Variants in MTMR7 observed in about 807,000 individuals in gnomAD.
MTMR7 encodes myotubularin related protein 7.
MTMR7 carries 76 observed loss-of-function variants against 81.2 expected under a neutral mutation model. The observed-to-expected ratio is 0.94, with a 90% CI of 0.78 to 1.13. MTMR7 has a LOEUF of 1.13. Among genes scored for constraint, MTMR7 ranks in the 50% most tolerant of loss-of-function variants. The pLI, the probability that MTMR7 is intolerant of heterozygous loss-of-function variation, is 0.00. For missense variants in MTMR7, 1,044 were observed against 820.0 expected, an observed-to-expected ratio of 1.27 and a Z score of -3.34; for synonymous variants, 372 against 289.8, an observed-to-expected ratio of 1.28 and a Z score of -2.88.
intron 1 of MTMR7, among the ~76,000 whole-genome samples, chr8:17,398,647 T>C (rs1283425386): frequency 6.6e-6 from 1 of 152,156 alleles, no homozygotes; most frequent in Non-Finnish European, 1.5e-5. Flanking sequence ...TTCAAAGCGA[T>C]AACCACAAAG....
At chr8:17,330,236 A>G (rs1421055630) in intron 7 of MTMR7, among the ~76,000 whole-genome samples, 3 of 152,222 alleles carry the variant, frequency 2.0e-5, no homozygotes, top group Admixed American at 2.0e-4. Flanking sequence ...TGGAAAAAAT[A>G]ATTCAGCACC....
intron 5 of MTMR7, among the ~76,000 whole-genome samples, chr8:17,348,144 A>T (rs557838150): frequency 5.9e-5 from 9 of 152,292 alleles, no homozygotes; most frequent in African/African-American, 1.9e-4. Context: ...GACAAACCCA[A>T]TTCTGGCTTT....
chr8:17,407,451 A>G (rs1452053400), intron 1 of MTMR7, among the ~76,000 whole-genome samples: 2 of 152,184 alleles, frequency 1.3e-5, no homozygotes, highest in Non-Finnish European at 2.9e-5. Flanking sequence ...CTATAAAACT[A>G]TTCATCTTCT....
At chr8:17,362,650 T>C (rs1346841823) in intron 3 of MTMR7, among the ~76,000 whole-genome samples, 1 of 152,208 alleles carries the variant, frequency 6.6e-6, no homozygotes, top group East Asian at 1.9e-4. Flanking sequence ...TTCTCTCTTC[T>C]TCTTCCTTCC....
At chr8:17,375,457 G>A (rs1820554953) in intron 1 of MTMR7, among the ~76,000 whole-genome samples, 1 of 151,068 alleles carries the variant, frequency 6.6e-6, no homozygotes, top group South Asian at 2.1e-4. Flanking sequence ...TTCGACAACA[G>A]TGCCCTTCAC....
intron 1 of MTMR7, among the ~76,000 whole-genome samples, chr8:17,386,418 C>T (rs373573741): frequency 6.6e-6 from 1 of 152,196 alleles, no homozygotes; most frequent in African/African-American, 2.4e-5. Context: ...ATACTGCCCA[C>T]AGATGATCTG....
chr8:17,317,800 T>C (rs1261290107), intron 7 of MTMR7, among the ~76,000 whole-genome samples: 2 of 152,078 alleles, frequency 1.3e-5, no homozygotes, highest in African/African-American at 4.8e-5. Context: ...AAATTGCAGC[T>C]TTTTTTTCTA....
chr8:17,399,137 A>T (rs1232777707), intron 1 of MTMR7, among the ~76,000 whole-genome samples: 4 of 152,062 alleles, frequency 2.6e-5, no homozygotes, highest in Non-Finnish European at 5.9e-5. Flanking sequence ...TAGATCAATC[A>T]GACAAGAGAA....
chr8:17,394,832 G>C (rs1821203547), intron 1 of MTMR7, among the ~76,000 whole-genome samples: 1 of 148,976 alleles, frequency 6.7e-6, no homozygotes, highest in Non-Finnish European at 1.5e-5. Flanking sequence ...GCCAAATTAA[G>C]TATTAGTTCA....
chr8:17,325,365 T>A (rs1262287876), intron 7 of MTMR7, among the ~76,000 whole-genome samples: 1 of 152,178 alleles, frequency 6.6e-6, no homozygotes, highest in Admixed American at 6.6e-5. Flanking sequence ...CCATCAGGCC[T>A]CAAAACCTTT....
At chr8:17,390,198 C>T (rs1180477252) in intron 1 of MTMR7, among the ~76,000 whole-genome samples, 1 of 151,766 alleles carries the variant, frequency 6.6e-6, no homozygotes, top group Non-Finnish European at 1.5e-5. Context: ...GCAGGCTGTA[C>T]AGGAAGCAGA....
Position 17,331,208 on chromosome 8 carries a change from C to T in MTMR7, c.807G>A (p.Gln269=). The part of the protein sequence containing the change: ...NEDNYSNIKF[Q]FIGIENIHVM... Reference sequence around the variant, plus strand: ...CATGGATGTTCTCTATCCCGATAAACTGAAACTTGATATTGGAATAATTGT... The same window carrying T: ...CATGGATGTTCTCTATCCCGATAAATTGAAACTTGATATTGGAATAATTGT... The change falls in exon 7 of 14, where the codon CAG becomes CAA. Residue 269 remains glutamine, a synonymous_variant. Coordinates refer to ENST00000180173, the MANE Select transcript of MTMR7 (RefSeq NM_004686.5). 1.9e-6 allele frequency: 3 copies of T among 1,612,752 alleles called. No individual in the cohort carries two copies. The highest frequency in any genetic ancestry group is 2.5e-6 in the Non-Finnish European group (3 of 1,179,618).
At chr8:17,308,784 T>C (rs1414858744) in intron 10 of MTMR7, among the ~76,000 whole-genome samples, 1 of 152,104 alleles carries the variant, frequency 6.6e-6, no homozygotes, top group Non-Finnish European at 1.5e-5. Context: ...AGACAGTGAA[T>C]ATCATGGCCT....
rs1016535927 is a variant in MTMR7, at chr8:17,304,485, G to C, written c.1387C>G (p.Leu463Val). The C allele has an allele frequency of 2.5e-6, 4 of 1,613,890 alleles. No homozygotes were observed. The African/African-American group carries it at 5.3e-5, about 22-fold the overall frequency. ...QERTYSLWAH[L>V]WKNRADYLNP... The stretch of plus-strand genomic sequence containing the variant: ...AGGTAGTCGGCCCGATTCTTCCACA[G>C]GTGAGCCCATAATGAGTATGTTCTT... Residue 463 changes from leucine (L) to valine (V), a missense_variant, in exon 12 of 14, where the codon CTG (leucine) becomes GTG (valine). By Grantham distance (32) the Leu-to-Val change is conservative. Transcript: ENST00000180173.
intron 1 of MTMR7, among the ~76,000 whole-genome samples, chr8:17,398,528 A>G (rs546257534): frequency 6.6e-6 from 1 of 152,298 alleles, no homozygotes; most frequent in African/African-American, 2.4e-5. Flanking sequence ...ACAAAGGAGT[A>G]AAAAACAATG....
At chr8:17,338,466 C>A (rs111401212) in intron 6 of MTMR7, among the ~76,000 whole-genome samples, 1 of 152,132 alleles carries the variant, frequency 6.6e-6, no homozygotes, top group Non-Finnish European at 1.5e-5. Context: ...CTCAGTAAAG[C>A]CCCCGTCTTT....
chr8:17,301,096 T>G lies in MTMR7; in HGVS notation c.1621-872A>C, dbSNP rs770676253. Among the ~76,000 whole-genome samples the G allele has an allele frequency of 3.9e-5, 6 of 152,254 alleles. No homozygotes were observed. In the East Asian group the frequency reaches 1.2e-3, roughly 29 times the overall value. ...TTTGATGTTAACACAGGAGGTGTTATAAGATCAAGTATTATGTATTCATTC... is the reference window on the plus strand; with the variant it reads ...TTTGATGTTAACACAGGAGGTGTTAGAAGATCAAGTATTATGTATTCATTC... On this transcript the variant is annotated intron_variant, in intron 13 of 13. Coordinates refer to ENST00000180173, the MANE Select transcript of MTMR7 (RefSeq NM_004686.5).
chr8:17,336,818 C>T (rs1819254654), intron 6 of MTMR7, among the ~76,000 whole-genome samples: 1 of 152,170 alleles, frequency 6.6e-6, no homozygotes, highest in South Asian at 2.1e-4. Context: ...GGCGTGTGCT[C>T]AGAGGTGGTA....
chr8:17,300,109 G>T lies in MTMR7; in HGVS notation c.1736C>A (p.Pro579His), dbSNP rs762156336. The stretch of plus-strand genomic sequence containing the variant: ...TTTCATATTCCCACTGTAATCCTGG[G>T]GAGTGTTGGCTATGCTGTTGTCTGA... ...STSDNSIANT[P>H]QDYSGNMKSF... The change falls in exon 14 of 14, where the codon CCC becomes CAC. Residue 579 changes from proline (P) to histidine (H), a missense_variant. Coordinates refer to ENST00000180173, the MANE Select transcript of MTMR7 (RefSeq NM_004686.5). The T allele has an allele frequency of 3.2e-5, 51 of 1,614,014 alleles. No individual in the cohort carries two copies. The highest frequency in any genetic ancestry group is 2.4e-5 in the Non-Finnish European group (28 of 1,180,024).
Sources: gnomAD v4.1 joint callset for allele counts (sites outside exome capture counted in the v4.1 genomes callset) on GRCh38, gnomAD v4.1.1 for gene constraint, MANE v1.5 for transcripts, NCBI Gene and HGNC (gene_info 2026-07-23, HGNC 2026-07-21) for gene names.